DCBLD1: variants seen among roughly 807,000 people sequenced by gnomAD.
The protein encoded by DCBLD1 is discoidin, CUB and LCCL domain-containing protein 1.
Under a neutral mutation model 71.5 loss-of-function variants are expected in DCBLD1, and 57 were observed. The ratio of observed to expected loss-of-function variants is 0.80; its 90% CI spans 0.64 to 0.99. The LOEUF (loss-of-function observed/expected upper bound fraction) is 0.99, where lower values mean the gene tolerates loss of function less well. Ranked by LOEUF, DCBLD1 falls within the 50% of genes least tolerant of loss-of-function variation. The pLI, the probability that DCBLD1 is intolerant of heterozygous loss-of-function variation, is 0.00. For missense variants in DCBLD1, 891 were observed against 923.5 expected, an observed-to-expected ratio of 0.96 and a Z score of 0.46; for synonymous variants, 380 against 363.8, an observed-to-expected ratio of 1.04 and a Z score of -0.51.
chr6:117,561,360 G>A (rs1779580537), intron 14 of DCBLD1: 1 of 224,822 alleles, frequency 4.4e-6, no homozygotes, highest in East Asian at 6.4e-5. Flanking sequence ...AGCAGATAAA[G>A]GATGTTCTCT....
At chr6:117,558,022 C>T (rs1420709012) in intron 14 of DCBLD1, among the ~76,000 whole-genome samples, 1 of 152,198 alleles carries the variant, frequency 6.6e-6, no homozygotes, top group African/African-American at 2.4e-5. Context: ...AGACAAGGTA[C>T]AAGGTCTTAT....
chr6:117,516,963 A>G (rs901542230), intron 2 of DCBLD1, among the ~76,000 whole-genome samples: 4 of 152,196 alleles, frequency 2.6e-5, no homozygotes, highest in Non-Finnish European at 5.9e-5. Context: ...CCAAACCATT[A>G]TCATTTCGAC....
intron 14 of DCBLD1, chr6:117,560,261 C>A (rs1160379236): frequency 5.8e-6 from 1 of 171,756 alleles, no homozygotes; most frequent in Non-Finnish European, 1.3e-5. Context: ...AAATAACAAG[C>A]CAAAATATTT....
chr6:117,520,193 A>G (rs1778340371), intron 3 of DCBLD1, among the ~76,000 whole-genome samples: 2 of 152,236 alleles, frequency 1.3e-5, no homozygotes. Context: ...GGGGCCACAC[A>G]TAAAATACAC....
At chr6:117,524,610 T>C (rs1010627576) in intron 4 of DCBLD1, among the ~76,000 whole-genome samples, 4 of 152,184 alleles carry the variant, frequency 2.6e-5, no homozygotes, top group African/African-American at 7.2e-5. Context: ...CACGGGTACC[T>C]AATGAGCACT....
chr6:117,536,541 A>G (rs1778888198), intron 6 of DCBLD1, among the ~76,000 whole-genome samples: 1 of 152,250 alleles, frequency 6.6e-6, no homozygotes, highest in South Asian at 2.1e-4. Flanking sequence ...AGGCCAGCTC[A>G]CTGACATGCT....
At chr6:117,526,943 G>T (rs913136140) in intron 5 of DCBLD1, among the ~76,000 whole-genome samples, 7 of 152,172 alleles carry the variant, frequency 4.6e-5, no homozygotes, top group African/African-American at 1.7e-4. Context: ...TGTCAGCTGG[G>T]GCTGCAATCT....
At chr6:117,485,174 A>AT (rs1280609253) in intron 1 of DCBLD1, 1 of 152,228 alleles carries the variant, frequency 6.6e-6, no homozygotes, top group Non-Finnish European at 1.5e-5. Flanking sequence ...CTTGATATAC[A>AT]TTTTTGTAGA....
chr6:117,517,941 T>C (rs1300985619), intron 2 of DCBLD1, among the ~76,000 whole-genome samples: 1 of 152,210 alleles, frequency 6.6e-6, no homozygotes, highest in African/African-American at 2.4e-5. Context: ...ATTTTCCACA[T>C]TGTCTTGGGG....
At chr6:117,514,882 G>A (rs1778138985) in intron 2 of DCBLD1, among the ~76,000 whole-genome samples, 1 of 151,792 alleles carries the variant, frequency 6.6e-6, no homozygotes, top group Admixed American at 6.6e-5. Flanking sequence ...TAGTATGATG[G>A]TATACACTCT....
downstream of DCBLD1, among the ~76,000 whole-genome samples, chr6:117,550,704 C>T (rs943215112): frequency 6.6e-6 from 1 of 152,170 alleles, no homozygotes; most frequent in African/African-American, 2.4e-5. Context: ...TTTGTAGGCA[C>T]AACTGTATAT....
At position 117,493,958 on chromosome 6, in the gene DCBLD1, GTATA is replaced by G. The variant is rs924061181; in HGVS notation, c.113-9803_113-9800del. On this transcript the variant is annotated intron_variant, in intron 1 of 14. Coordinates refer to ENST00000338728, the MANE Select transcript of DCBLD1 (RefSeq NM_001366458.2). ...AATTACTCTTTGTATGTGTGTATCT[GTATA>G]TATATGTGTGTGTGTATATATGTGA... 2.4e-4 allele frequency among the ~76,000 whole-genome samples: 36 copies of G among 152,192 alleles called. No homozygotes were observed. The Middle Eastern group carries it at 0.01, about 43-fold the overall frequency.
At chr6:117,560,366 T>A (rs1283815906) in intron 14 of DCBLD1, 1 of 182,422 alleles carries the variant, frequency 5.5e-6, no homozygotes, top group Non-Finnish European at 1.2e-5. Context: ...AATAAAAAAA[T>A]ATTAAACTCA....
intron 3 of DCBLD1, among the ~76,000 whole-genome samples, chr6:117,521,232 G>C (rs1242503566): frequency 6.6e-6 from 1 of 152,180 alleles, no homozygotes; most frequent in Non-Finnish European, 1.5e-5. Context: ...TAGGCATATA[G>C]TGGATAGCAA....
Position 117,548,284 on chromosome 6 carries a change from T to TA in DCBLD1, c.1994dup (p.Tyr665Ter), listed in dbSNP as rs1779346315. 6.4e-7 allele frequency: 1 copy of TA among 1,550,512 alleles called. No individual in the cohort carries two copies. ...PHSAQPADRG[Y>*]DRPKAVSALA... is the part of the protein sequence containing the mutation. ...CAGCGCACAGCCTGCGGACAGGGGC[T>TA]ACGACCGGCCCAAAGCTGTCAGCGC... is the stretch of plus-strand genomic sequence containing the variant. The change falls in exon 15 of 15, where the codon TAC (tyrosine) becomes TAAC (stop). Residue 665 changes from tyrosine (Y) to a stop codon, truncating the protein, a stop_gained and frameshift_variant. Transcript: ENST00000338728. LOFTEE classifies it low-confidence loss of function (END_TRUNC).
At chr6:117,537,458 C>T (rs566400797) in intron 7 of DCBLD1, among the ~76,000 whole-genome samples, 593 of 150,604 alleles carry the variant, frequency 3.9e-3, no homozygotes, top group Non-Finnish European at 6.0e-3. Context: ...GGCGTGAACC[C>T]GGGAGGCGGA....
intron 14 of DCBLD1, among the ~76,000 whole-genome samples, chr6:117,559,165 G>A (rs1779536930): frequency 6.6e-6 from 1 of 152,160 alleles, no homozygotes; most frequent in Admixed American, 6.5e-5. Flanking sequence ...TCTCACTCAT[G>A]GTCACTTGTG....
chr6:117,561,973 G>C (rs1408280139), intron 14 of DCBLD1: 2 of 206,844 alleles, frequency 9.7e-6, no homozygotes, highest in African/African-American at 4.6e-5. Flanking sequence ...TATTCTAAAA[G>C]CCTTGTAGGC....
rs143751677 is a variant in DCBLD1 at position 117,496,558 on chromosome 6, C to T, written c.113-7209C>T. ...CCTTTGTGGTTGAAAAGATTGTAGTCATCAAGAGCTCACTTGATCTTAGAC... is the reference window on the plus strand; with the variant it reads ...CCTTTGTGGTTGAAAAGATTGTAGTTATCAAGAGCTCACTTGATCTTAGAC... On this transcript the variant is annotated intron_variant, in intron 1 of 14. Coordinates refer to ENST00000338728, the MANE Select transcript of DCBLD1 (RefSeq NM_001366458.2). Among the ~76,000 whole-genome samples the T allele has an allele frequency of 3.3e-5, 5 of 152,290 alleles. No individual in the cohort carries two copies. In the East Asian group the frequency reaches 9.6e-4, roughly 29 times the overall value.
Sources: gnomAD v4.1 joint callset for allele counts (sites outside exome capture counted in the v4.1 genomes callset) on GRCh38, gnomAD v4.1.1 for gene constraint, MANE v1.5 for transcripts, NCBI Gene and HGNC (gene_info 2026-07-23, HGNC 2026-07-21) for gene names.